Variants in ANKRD6 observed in about 807,000 individuals in gnomAD.
The protein encoded by ANKRD6 is ankyrin repeat domain-containing protein 6.
A neutral mutation model predicts 82.3 loss-of-function variants in ANKRD6; 56 were observed. The observed-to-expected ratio is 0.68, with a 90% confidence interval of 0.55 to 0.85. The LOEUF (loss-of-function observed/expected upper bound fraction) is 0.85, where lower values mean the gene tolerates loss of function less well. Among genes scored for constraint, ANKRD6 ranks in the 40% least tolerant of loss-of-function variants. The pLI, the probability that ANKRD6 is intolerant of heterozygous loss-of-function variation, is 0.00. For missense variants in ANKRD6, 852 were observed against 907.6 expected, an observed-to-expected ratio of 0.94 and a Z score of 0.79; for synonymous variants, 347 against 352.1, an observed-to-expected ratio of 0.99 and a Z score of 0.16.
chr6:89,445,264 C>CTTTTTTTTT (rs1227274602), intron 1 of ANKRD6, among the ~76,000 whole-genome samples: 9 of 64,088 alleles, frequency 1.4e-4, no homozygotes, highest in East Asian at 1.1e-3. Flanking sequence ...AGAGATCTTT[C>CTTTTTTTTT]TTTTTTTTTT....
At chr6:89,539,501 T>C (rs1784220349) in intron 1 of ANKRD6, among the ~76,000 whole-genome samples, 1 of 152,164 alleles carries the variant, frequency 6.6e-6, no homozygotes, top group African/African-American at 2.4e-5. Context: ...TTATGAAGAA[T>C]TGCTACCTCC....
chr6:89,465,710 A>T (rs953454922), intron 1 of ANKRD6, among the ~76,000 whole-genome samples: 1 of 151,992 alleles, frequency 6.6e-6, no homozygotes, highest in African/African-American at 2.4e-5. Context: ...AAAATTTTTT[A>T]AAATTAGCCA....
intron 1 of ANKRD6, among the ~76,000 whole-genome samples, chr6:89,452,787 A>G (rs920524312): frequency 1.9e-4 from 29 of 152,306 alleles, no homozygotes; most frequent in African/African-American, 5.8e-4. Context: ...AGTCTGTTTC[A>G]TGAAAGACTG....
chr6:89,485,569 C>G (rs994099759), intron 1 of ANKRD6, among the ~76,000 whole-genome samples: 1 of 152,192 alleles, frequency 6.6e-6, no homozygotes, highest in African/African-American at 2.4e-5. Flanking sequence ...CCTCTTCACA[C>G]TTCTCTGCTG....
At chr6:89,515,648 T>C (rs896226299) in intron 1 of ANKRD6, among the ~76,000 whole-genome samples, 1 of 152,342 alleles carries the variant, frequency 6.6e-6, no homozygotes, top group South Asian at 2.1e-4. Flanking sequence ...AGAAGGTGCC[T>C]CTCCTGGATT....
At chr6:89,492,207 A>G (rs150319915) in intron 1 of ANKRD6, among the ~76,000 whole-genome samples, 1 of 152,330 alleles carries the variant, frequency 6.6e-6, no homozygotes, top group African/African-American at 2.4e-5. Flanking sequence ...GCTGGGAGAC[A>G]GAGCCCTGTT....
chr6:89,486,917 A>T (rs1777442559), intron 1 of ANKRD6, among the ~76,000 whole-genome samples: 1 of 152,192 alleles, frequency 6.6e-6, no homozygotes, highest in African/African-American at 2.4e-5. Flanking sequence ...ACCTCCCCAA[A>T]GTCCCATCTC....
intron 2 of ANKRD6, among the ~76,000 whole-genome samples, chr6:89,588,235 T>C (rs1486286071): frequency 2.0e-5 from 3 of 152,260 alleles, no homozygotes; most frequent in Non-Finnish European, 4.4e-5. Flanking sequence ...AGAATTCATT[T>C]CATCTCTTCA....
At chr6:89,460,359 A>G (rs1476778863) in intron 1 of ANKRD6, among the ~76,000 whole-genome samples, 1 of 152,142 alleles carries the variant, frequency 6.6e-6, no homozygotes, top group Non-Finnish European at 1.5e-5. Flanking sequence ...ATGCCAAAGC[A>G]ACTTAGATAA....
intron 1 of ANKRD6, among the ~76,000 whole-genome samples, chr6:89,517,812 G>T (rs1174605804): frequency 6.6e-6 from 1 of 152,194 alleles, no homozygotes; most frequent in African/African-American, 2.4e-5. Context: ...CTAAGGGGGG[G>T]ACTATGATAT....
intron 1 of ANKRD6, among the ~76,000 whole-genome samples, chr6:89,548,342 T>C (rs1455966920): frequency 2.6e-5 from 4 of 152,226 alleles, no homozygotes; most frequent in African/African-American, 9.7e-5. Flanking sequence ...GATGCATCTA[T>C]GTTATAGCAT....
At chr6:89,564,867 G>C (rs943345056) in intron 1 of ANKRD6, among the ~76,000 whole-genome samples, 1 of 152,104 alleles carries the variant, frequency 6.6e-6, no homozygotes, top group Admixed American at 6.5e-5. Flanking sequence ...TGACGGGGGG[G>C]AGGGTGTGGC....
intron 1 of ANKRD6, among the ~76,000 whole-genome samples, chr6:89,459,936 G>A (rs1773926352): frequency 6.6e-6 from 1 of 151,900 alleles, no homozygotes; most frequent in South Asian, 2.1e-4. Flanking sequence ...AATGTTTCTA[G>A]AACCATGCTG....
Position 89,568,932 on chromosome 6 carries a change from A to AT in ANKRD6, c.120+1853dup, listed in dbSNP as rs58909289. 4.9e-3 allele frequency among the ~76,000 whole-genome samples: 703 copies of AT among 142,030 alleles called. 8 individuals are homozygous for AT. The highest frequency in any genetic ancestry group is 0.014 in the African/African-American group (552 of 38,858). 93.2% of individuals were successfully genotyped at this position (142,030 alleles called of 152,430 possible). On this transcript the variant is annotated intron_variant, in intron 2 of 15. Coordinates refer to ENST00000339746, the MANE Select transcript of ANKRD6 (RefSeq NM_001242809.2). ...CAATAGAAAATTTTATATATATATA[A>AT]TTTTTTTTTTTTTTTTTAGACAGTG...
At chr6:89,603,320 A>ATTTT (rs1229759944) in intron 4 of ANKRD6, among the ~76,000 whole-genome samples, 193 bp downstream of exon 4, 7 of 114,690 alleles carry the variant, frequency 6.1e-5, no homozygotes, top group African/African-American at 1.0e-4. Context: ...GCCAATTGTA[A>ATTTT]TTTTTTTTTT....
Position 89,567,078 on chromosome 6 carries a change from C to T in ANKRD6, c.102C>T (p.Ala34=), listed in dbSNP as rs1252751332. 1 of 1,601,786 alleles carries T rather than the reference C, an allele frequency of 6.2e-7. No individual in the cohort carries two copies. The highest frequency in any genetic ancestry group is 2.2e-5 in the East Asian group (1 of 44,510). Residue 34 remains alanine, a synonymous_variant, in exon 2 of 16, where the codon GCC becomes GCT. Coordinates refer to ENST00000339746, the MANE Select transcript of ANKRD6 (RefSeq NM_001242809.2). ...TGGTTCAGCTCATCAACAAGGGCGCCAGGGTAGCGGTTACCAAGGTAACAA... is the reference window on the plus strand; with the variant it reads ...TGGTTCAGCTCATCAACAAGGGCGCTAGGGTAGCGGTTACCAAGGTAACAA... The part of the protein sequence containing the change: ...ENVVQLINKG[A]RVAVTKHGRT...
chr6:89,612,917 T>G (rs1800582150), intron 6 of ANKRD6, among the ~76,000 whole-genome samples: 1 of 152,208 alleles, frequency 6.6e-6, no homozygotes, highest in East Asian at 1.9e-4. Context: ...GTTGGCTAAA[T>G]AAATAAATAA....
chr6:89,571,501 AT>A (rs571976826), intron 2 of ANKRD6, among the ~76,000 whole-genome samples: 7 of 151,504 alleles, frequency 4.6e-5, no homozygotes, highest in Non-Finnish European at 8.8e-5. Context: ...TGGTTATTTG[AT>A]TTTTTTTGGT....
chr6:89,450,242 C>T (rs1177681681), intron 1 of ANKRD6, among the ~76,000 whole-genome samples: 1 of 151,710 alleles, frequency 6.6e-6, no homozygotes, highest in East Asian at 1.9e-4. Flanking sequence ...GAGGCTGAGG[C>T]AGGAGAATCA....
Sources: allele counts gnomAD v4.1 joint callset (sites outside exome capture counted in the v4.1 genomes callset), GRCh38; gene constraint gnomAD v4.1.1; transcripts MANE v1.5; gene names NCBI Gene and HGNC (gene_info 2026-07-23, HGNC 2026-07-21).